Variants in DCC observed in about 807,000 individuals in gnomAD.
The protein encoded by DCC is DCC netrin 1 receptor.
In DCC, 58 loss-of-function variants were observed where a neutral mutation model predicts 172.5. The ratio of observed to expected loss-of-function variants is 0.34; its 90% CI spans 0.27 to 0.42. The LOEUF is 0.42. Ranked by LOEUF, DCC falls within the 10% of genes least tolerant of loss-of-function variation. The probability of loss-of-function intolerance (pLI) is 1.00; values close to 1 mark genes in which losing one functional copy is unlikely to be tolerated. For synonymous variants in DCC, 709 were observed against 644.5 expected, an observed-to-expected ratio of 1.10 and a Z score of -1.52; for missense variants, 1,740 against 1,791.0, an observed-to-expected ratio of 0.97 and a Z score of 0.51.
At chr18:52,671,830 C>T (rs192533980) in intron 1 of DCC, among the ~76,000 whole-genome samples, 1 of 152,186 alleles carries the variant, frequency 6.6e-6, no homozygotes, top group East Asian at 1.9e-4. Flanking sequence ...GTCACCACAC[C>T]CGGCCTCATA....
rs554214334 is a variant in DCC, at chr18:53,111,416, A to T, written c.1261+45250A>T. On this transcript the variant is annotated intron_variant, in intron 7 of 28. Transcript: ENST00000442544. ...AAGTATAATAATAATAAAATAAAAT[A>T]AAAAAAGACAAAAAAAAGAAAGAAA... Among the ~76,000 whole-genome samples, 69 of 103,618 alleles carry T rather than the reference A, an allele frequency of 6.7e-4. 1 individual carries two copies. The South Asian group carries it at 0.014, about 21-fold the overall frequency. 68.0% of individuals were successfully genotyped at this position (103,618 alleles called of 152,430 possible). A position where few individuals can be genotyped will look rare whatever the true frequency, so the allele number is the denominator to read the frequency against.
chr18:53,289,658 T>C (rs1241567296), intron 12 of DCC, among the ~76,000 whole-genome samples: 1 of 151,844 alleles, frequency 6.6e-6, no homozygotes, highest in African/African-American at 2.4e-5. Flanking sequence ...CTGCAGACAT[T>C]AATAAAAAAA....
intron 1 of DCC, among the ~76,000 whole-genome samples, chr18:52,570,324 T>C (rs2033263555): frequency 6.6e-6 from 1 of 152,192 alleles, no homozygotes; most frequent in South Asian, 2.1e-4. Context: ...TGGAAGCAGA[T>C]GCTTCTCCCG....
At chr18:52,927,101 A>ATATATACACGTATATACGTG (rs1190825247) in intron 5 of DCC, among the ~76,000 whole-genome samples, 1 of 111,586 alleles carries the variant, frequency 9.0e-6, no homozygotes, top group Non-Finnish European at 1.9e-5. Context: ...ATATACGTGT[A>ATATATACACGTATATACGTG]TATACACGTA....
chr18:53,402,399 A>AT (rs1408677912), intron 18 of DCC, among the ~76,000 whole-genome samples: 15 of 130,648 alleles, frequency 1.1e-4, no homozygotes, highest in African/African-American at 3.5e-4. Context: ...CAAAAAAAAA[A>AT]AAAAATAAAT....
chr18:53,339,678 G>A, intron 14 of DCC, 35 bp from the exon 15 acceptor site: 1 of 1,553,688 alleles, frequency 6.4e-7, no homozygotes, highest in South Asian at 1.1e-5. Context: ...TTTCTGTTAT[G>A]AGACATGCTG....
intron 25 of DCC, among the ~76,000 whole-genome samples, chr18:53,484,779 T>C (rs1048927680): frequency 3.3e-5 from 5 of 152,242 alleles, no homozygotes; most frequent in African/African-American, 1.2e-4. Context: ...ATATTTGTTA[T>C]GGTTTCATAG....
At chr18:52,917,894 T>C (rs779273968) in intron 3 of DCC, among the ~76,000 whole-genome samples, 4 of 152,208 alleles carry the variant, frequency 2.6e-5, no homozygotes, top group Non-Finnish European at 5.9e-5. Flanking sequence ...AATAGTTACA[T>C]AACTTTGTAC....
intron 15 of DCC, among the ~76,000 whole-genome samples, chr18:53,369,563 A>G (rs2058039541): frequency 6.6e-6 from 1 of 151,712 alleles, no homozygotes; most frequent in Non-Finnish European, 1.5e-5. Flanking sequence ...CTTTTTCCTG[A>G]TCTTAGAGGA....
At chr18:53,135,293 A>G (rs755883572) in intron 7 of DCC, among the ~76,000 whole-genome samples, 1 of 152,150 alleles carries the variant, frequency 6.6e-6, no homozygotes, top group Non-Finnish European at 1.5e-5. Flanking sequence ...CTTAAGCTCA[A>G]GAGATGGAGG....
At chr18:52,392,480 G>A (rs1211433580) in intron 1 of DCC, among the ~76,000 whole-genome samples, 2 of 152,092 alleles carry the variant, frequency 1.3e-5, no homozygotes, top group South Asian at 2.1e-4. Context: ...TAGTGAGAAA[G>A]GGTAGTATAT....
intron 1 of DCC, among the ~76,000 whole-genome samples, chr18:52,678,550 T>A (rs2035685740): frequency 6.6e-6 from 1 of 152,198 alleles, no homozygotes; most frequent in African/African-American, 2.4e-5. Flanking sequence ...TAAAATTCTT[T>A]CCGCTCGACA....
Position 53,456,274 on chromosome 18 carries a change from C to CA in DCC, c.3393-2952dup, listed in dbSNP as rs543646106. 4.7e-4 allele frequency among the ~76,000 whole-genome samples: 71 copies of CA among 152,198 alleles called. 1 individual carries two copies. The Middle Eastern group carries it at 0.02, about 44-fold the overall frequency. On this transcript the variant is annotated intron_variant, in intron 23 of 28. Transcript: ENST00000442544. The stretch of plus-strand genomic sequence containing the variant: ...AAATTAAATAAGTAAACAAACAAAA[C>CA]AAAAAATAGAGCACCAGCACCTGAC...
In DCC at chr18:52,760,510, TAGTC is replaced by T. The variant is rs770525416; in HGVS notation, c.412+8139_412+8142del. The stretch of plus-strand genomic sequence containing the variant: ...AGCTCTCACATAGAAAGGTGGGAGA[TAGTC>T]AGAGCGTGACCTCCAAACCACCACA... On this transcript the variant is annotated intron_variant, in intron 2 of 28. Coordinates refer to ENST00000442544, the MANE Select transcript of DCC (RefSeq NM_005215.4). 1.8e-4 allele frequency among the ~76,000 whole-genome samples: 27 copies of T among 152,244 alleles called. 1 individual carries two copies. The South Asian group carries it at 1.9e-3, about 11-fold the overall frequency.
chr18:52,565,655 C>G (rs865847090), intron 1 of DCC, among the ~76,000 whole-genome samples: 30 of 152,030 alleles, frequency 2.0e-4, no homozygotes, highest in Admixed American at 3.3e-4. Context: ...AGAAGTGTCT[C>G]TTCATATCCT....
At chr18:53,457,873 A>G (rs1400905469) in intron 23 of DCC, among the ~76,000 whole-genome samples, 2 of 152,212 alleles carry the variant, frequency 1.3e-5, no homozygotes, top group Admixed American at 1.3e-4. Context: ...TTTATCTCCT[A>G]TCCTCATCAG....
At chr18:52,923,921 T>C in intron 4 of DCC, 64 bp downstream of exon 4, 2 of 1,215,018 alleles carry the variant, frequency 1.6e-6, no homozygotes, top group Non-Finnish European at 2.4e-6. Context: ...GCTATTTATA[T>C]TTCTCTAATT....
chr18:53,109,128 G>A (rs1428578933), intron 7 of DCC, among the ~76,000 whole-genome samples: 1 of 151,284 alleles, frequency 6.6e-6, no homozygotes, highest in Non-Finnish European at 1.5e-5. Flanking sequence ...GCTTTAATAT[G>A]TACTTCCCTG....
At chr18:52,405,027 G>A (rs1210888636) in intron 1 of DCC, among the ~76,000 whole-genome samples, 1 of 151,772 alleles carries the variant, frequency 6.6e-6, no homozygotes, top group Non-Finnish European at 1.5e-5. Flanking sequence ...ATTCCATGGT[G>A]TATATGTGCC....
Sources: allele counts gnomAD v4.1 joint callset (sites outside exome capture counted in the v4.1 genomes callset), GRCh38; gene constraint gnomAD v4.1.1; transcripts MANE v1.5; gene names NCBI Gene and HGNC (gene_info 2026-07-23, HGNC 2026-07-21).